The following NRG3 variants were observed in gnomAD, a reference collection of about 807,000 sequenced individuals.
NRG3 encodes pro-neuregulin-3, membrane-bound isoform.
A neutral mutation model predicts 66.9 loss-of-function variants in NRG3; 31 were observed. The observed-to-expected ratio is 0.46, with a 90% CI of 0.35 to 0.63. The LOEUF (loss-of-function observed/expected upper bound fraction) is 0.63, where lower values mean the gene tolerates loss of function less well. NRG3 is among the 20% of genes least tolerant of loss of function. The probability of loss-of-function intolerance (pLI) is 0.00; values close to 1 mark genes in which losing one functional copy is unlikely to be tolerated. For synonymous variants in NRG3, 393 were observed against 359.4 expected, an observed-to-expected ratio of 1.09 and a Z score of -1.06; for missense variants, 910 against 878.9, an observed-to-expected ratio of 1.04 and a Z score of -0.45.
At chr10:82,711,115 G>C (rs1036008154) in intron 2 of NRG3, among the ~76,000 whole-genome samples, 3 of 152,128 alleles carry the variant, frequency 2.0e-5, no homozygotes, top group Non-Finnish European at 4.4e-5. Flanking sequence ...GTCTCACTCT[G>C]TCACCCAGGC....
chr10:82,133,751 A>C (rs563042056), intron 1 of NRG3, among the ~76,000 whole-genome samples: 20 of 152,254 alleles, frequency 1.3e-4, no homozygotes, highest in Non-Finnish European at 2.6e-4. Context: ...TAGTAGAATG[A>C]TGTATATTTC....
intron 2 of NRG3, among the ~76,000 whole-genome samples, chr10:82,732,548 G>A (rs576807009): frequency 2.0e-5 from 3 of 152,232 alleles, no homozygotes; most frequent in Non-Finnish European, 1.5e-5. Context: ...TGTGGTTTTG[G>A]GGTAATATAC....
chr10:82,538,978 A>G (rs551275377), intron 2 of NRG3, among the ~76,000 whole-genome samples: 1 of 152,280 alleles, frequency 6.6e-6, no homozygotes, highest in South Asian at 2.1e-4. Flanking sequence ...TTAGATCTTC[A>G]TTGCTCAGGT....
chr10:82,066,920 C>T (rs1052867142), intron 1 of NRG3, among the ~76,000 whole-genome samples: 10 of 152,030 alleles, frequency 6.6e-5, no homozygotes, highest in African/African-American at 1.9e-4. Context: ...CTCATTAAGA[C>T]AATTTTCATA....
chr10:81,892,206 G>T (rs1203059572), intron 1 of NRG3, among the ~76,000 whole-genome samples: 1 of 151,974 alleles, frequency 6.6e-6, no homozygotes, highest in Admixed American at 6.6e-5. Flanking sequence ...CTATTGCCAA[G>T]TGTGTGTGTC....
intron 2 of NRG3, among the ~76,000 whole-genome samples, chr10:82,636,715 A>T (rs1213151653): frequency 6.6e-6 from 1 of 152,060 alleles, no homozygotes; most frequent in Non-Finnish European, 1.5e-5. Flanking sequence ...ATGGGCATGG[A>T]GATATCTTTA....
At chr10:82,315,671 T>TC (rs1452323935) in intron 1 of NRG3, among the ~76,000 whole-genome samples, 1 of 149,928 alleles carries the variant, frequency 6.7e-6, no homozygotes, top group Admixed American at 6.6e-5. Flanking sequence ...TTTGTTGTTT[T>TC]TTTTTTTTTT....
intron 4 of NRG3, among the ~76,000 whole-genome samples, chr10:82,876,527 G>C (rs1841834034): frequency 6.6e-6 from 1 of 152,178 alleles, no homozygotes; most frequent in African/African-American, 2.4e-5. Flanking sequence ...CAGAGAGCAA[G>C]TCTAACAAAA....
intron 2 of NRG3, among the ~76,000 whole-genome samples, chr10:82,611,371 A>C (rs1045464035): frequency 2.6e-5 from 4 of 151,772 alleles, no homozygotes; most frequent in African/African-American, 9.7e-5. Flanking sequence ...GCACCCATCA[A>C]CTCGTCATTT....
intron 2 of NRG3, among the ~76,000 whole-genome samples, chr10:82,366,241 G>A (rs1178658835): frequency 6.6e-6 from 1 of 152,160 alleles, no homozygotes; most frequent in Non-Finnish European, 1.5e-5. Flanking sequence ...TAGATACTAT[G>A]TATATATATG....
At chr10:82,404,866 A>AT (rs2087382692) in intron 2 of NRG3, among the ~76,000 whole-genome samples, 1 of 152,028 alleles carries the variant, frequency 6.6e-6, no homozygotes, top group Non-Finnish European at 1.5e-5. Context: ...CATACTCCTC[A>AT]TTTTGCCATT....
intron 1 of NRG3, among the ~76,000 whole-genome samples, chr10:82,020,993 C>T (rs1017273733): frequency 3.9e-5 from 6 of 151,980 alleles, no homozygotes; most frequent in African/African-American, 7.2e-5. Context: ...GAAGAAATTC[C>T]GGTGGAATTT....
chr10:81,998,546 A>G (rs1316840731), intron 1 of NRG3, among the ~76,000 whole-genome samples: 3 of 152,134 alleles, frequency 2.0e-5, no homozygotes, highest in Non-Finnish European at 4.4e-5. Flanking sequence ...GATATTACTG[A>G]ACACTTCTCA....
At chr10:82,591,294 C>T (rs1184367863) in intron 2 of NRG3, among the ~76,000 whole-genome samples, 6 of 152,154 alleles carry the variant, frequency 3.9e-5, no homozygotes, top group Non-Finnish European at 2.9e-5. Flanking sequence ...GGATAGGCAT[C>T]CCAAATTGAT....
At chr10:82,433,401 C>G (rs1325027043) in intron 2 of NRG3, among the ~76,000 whole-genome samples, 1 of 152,080 alleles carries the variant, frequency 6.6e-6, no homozygotes, top group Non-Finnish European at 1.5e-5. Context: ...AAAGTGTTCT[C>G]CCATTCTGTA....
intron 8 of NRG3, among the ~76,000 whole-genome samples, chr10:82,981,595 C>T (rs1040852334): frequency 7.2e-5 from 11 of 152,132 alleles, no homozygotes; most frequent in Admixed American, 5.2e-4. Flanking sequence ...AGCAAGTGGG[C>T]GCTGTCTATG....
At chr10:82,558,670 G>A (rs969107303) in intron 2 of NRG3, among the ~76,000 whole-genome samples, 1 of 152,184 alleles carries the variant, frequency 6.6e-6, no homozygotes, top group African/African-American at 2.4e-5. Context: ...ATAATGCAAA[G>A]ACGTCAAATT....
chr10:82,290,387 T>A (rs1403493908), intron 1 of NRG3, among the ~76,000 whole-genome samples: 1 of 152,222 alleles, frequency 6.6e-6, no homozygotes, highest in Non-Finnish European at 1.5e-5. Flanking sequence ...ATGAATGACT[T>A]TCTAGTATTG....
chr10:82,398,566 C>A (rs548412759), intron 2 of NRG3, among the ~76,000 whole-genome samples: 9 of 149,268 alleles, frequency 6.0e-5, no homozygotes, highest in Admixed American at 2.0e-4. Flanking sequence ...TGCCTGGCAA[C>A]GGTGAAATCA....
Sources: gnomAD v4.1 joint callset for allele counts (sites outside exome capture counted in the v4.1 genomes callset) on GRCh38, gnomAD v4.1.1 for gene constraint, MANE v1.5 for transcripts, NCBI Gene and HGNC (gene_info 2026-07-23, HGNC 2026-07-21) for gene names.